Variants in NHSL1 observed in about 807,000 individuals in gnomAD.
The protein encoded by NHSL1 is NHS-like protein 1.
Under a neutral mutation model 95.0 loss-of-function variants are expected in NHSL1, and 48 were observed. The ratio of observed to expected loss-of-function variants is 0.51; its 90% CI spans 0.40 to 0.64. The LOEUF (loss-of-function observed/expected upper bound fraction) is 0.64. Ranked by LOEUF, NHSL1 falls within the 30% of genes least tolerant of loss-of-function variation. The pLI is 0.00. For synonymous variants in NHSL1, 783 were observed against 833.9 expected, an observed-to-expected ratio of 0.94 and a Z score of 1.05; for missense variants, 1,971 against 2,077.7, an observed-to-expected ratio of 0.95 and a Z score of 1.00.
intron 1 of NHSL1, among the ~76,000 whole-genome samples, chr6:138,614,294 AG>A (rs1185989627): frequency 2.6e-5 from 4 of 152,322 alleles, no homozygotes; most frequent in African/African-American, 9.6e-5. Context: ...GAGATGAGGC[AG>A]CCACTTGTGA....
At chr6:138,598,759 G>T (rs1024818143) in intron 1 of NHSL1, among the ~76,000 whole-genome samples, 7 of 152,024 alleles carry the variant, frequency 4.6e-5, no homozygotes, top group African/African-American at 1.7e-4. Flanking sequence ...AACGTCCAGC[G>T]TTTCCTCATC....
At chr6:138,649,297 T>C (rs1021451247) in intron 1 of NHSL1, among the ~76,000 whole-genome samples, 3 of 152,140 alleles carry the variant, frequency 2.0e-5, no homozygotes, top group Non-Finnish European at 4.4e-5. Flanking sequence ...TCATTCCGTA[T>C]ACCCTTTGTA....
chr6:138,676,417 A>G (rs1310006595), intron 1 of NHSL1, among the ~76,000 whole-genome samples: 1 of 152,130 alleles, frequency 6.6e-6, no homozygotes, highest in African/African-American at 2.4e-5. Flanking sequence ...AAAAAATAAA[A>G]CTAGTCTAAA....
rs893202924 is a variant in NHSL1, at chr6:138,429,699, A to G, written c.4085+12T>C. The stretch of plus-strand genomic sequence containing the variant: ...ACAGTAGATTAAAGTCAGAGGAAGG[A>G]GTTTGAAATACCTGTGAATAGCTGC... On this transcript the variant is annotated intron_variant, in intron 7 of 7. Transcript: ENST00000343505. 3.9e-6 allele frequency: 6 copies of G among 1,544,822 alleles called. No homozygotes were observed. Among genetic ancestry groups the G allele is most frequent in the Middle Eastern group, 1.7e-4 (1 of 5,952 alleles).
chr6:138,604,032 C>T (rs1256490695), intron 1 of NHSL1, among the ~76,000 whole-genome samples: 2 of 152,116 alleles, frequency 1.3e-5, no homozygotes, highest in African/African-American at 4.8e-5. Flanking sequence ...CAGTATGACA[C>T]TTACACAAGA....
chr6:138,634,683 T>C (rs899701784), intron 1 of NHSL1, among the ~76,000 whole-genome samples: 1 of 152,158 alleles, frequency 6.6e-6, no homozygotes, highest in South Asian at 2.1e-4. Flanking sequence ...ATCTGCACTG[T>C]AGACCAAATA....
At chr6:138,545,360 TTGTCTA>T (rs1782749683) in intron 1 of NHSL1, among the ~76,000 whole-genome samples, 2 of 152,190 alleles carry the variant, frequency 1.3e-5, no homozygotes, top group Admixed American at 6.5e-5. Flanking sequence ...TTAGCTACTT[TTGTCTA>T]TAACAAAACA....
chr6:138,445,800 T>A (rs1776826375), intron 4 of NHSL1, among the ~76,000 whole-genome samples: 1 of 152,210 alleles, frequency 6.6e-6, no homozygotes, highest in South Asian at 2.1e-4. Context: ...TCAGGAAAAC[T>A]CATTCTTTTT....
chr6:138,580,140 T>C (rs1404602434), intron 1 of NHSL1, among the ~76,000 whole-genome samples: 1 of 152,216 alleles, frequency 6.6e-6, no homozygotes, highest in Non-Finnish European at 1.5e-5. Flanking sequence ...TTTAGAATTA[T>C]TGCAGCTAGG....
In NHSL1 at chr6:138,422,645, TG is replaced by T. The variant is rs1774990570; in HGVS notation, c.*1435del. 6.6e-6 allele frequency: 1 copy of T among 152,104 alleles called. No individual in the cohort carries two copies. The highest frequency in any genetic ancestry group is 1.5e-5 in the Non-Finnish European group (1 of 68,038). 9.4% of individuals were successfully genotyped at this position (152,104 alleles called of 1,614,324 possible). On this transcript the variant is annotated 3_prime_UTR_variant, in exon 8 of 8. Coordinates refer to ENST00000343505, the MANE Select transcript of NHSL1 (RefSeq NM_001144060.2). ...TACATGGAAGTTAAGGGAGTAAGGG[TG>T]GGGGTAATGAGATTATTACATTAAA...
rs114130355 is a variant in NHSL1 at position 138,454,985 on chromosome 6, C to A, written c.340-7792G>T. 8.1e-4 allele frequency among the ~76,000 whole-genome samples: 124 copies of A among 152,214 alleles called. 1 individual carries two copies. The highest frequency in any genetic ancestry group is 2.9e-3 in the African/African-American group (121 of 41,530). ...GAAGAGAAGGCAGGTATAAACAGAC[C>A]CTGATTATAGAGTAGTGGGATGGAA... is the stretch of plus-strand genomic sequence containing the variant. On this transcript the variant is annotated intron_variant, in intron 3 of 7. Coordinates refer to ENST00000343505, the MANE Select transcript of NHSL1 (RefSeq NM_001144060.2).
chr6:138,583,620 C>A (rs552848733), intron 1 of NHSL1, among the ~76,000 whole-genome samples: 1 of 152,134 alleles, frequency 6.6e-6, no homozygotes, highest in Admixed American at 6.5e-5. Flanking sequence ...GCCCAGGACC[C>A]GGCATACAGT....
chr6:138,574,679 A>C (rs1365865607), upstream of NHSL1, among the ~76,000 whole-genome samples: 78 of 144,170 alleles, frequency 5.4e-4, 1 homozygote, highest in African/African-American at 2.1e-3. Context: ...ATGCAAAAAA[A>C]AAAAAAAAGA....
intron 1 of NHSL1, among the ~76,000 whole-genome samples, chr6:138,558,440 CT>C (rs1345497451): frequency 4.5e-4 from 54 of 118,938 alleles, no homozygotes; most frequent in African/African-American, 1.6e-3. Context: ...TTTTTTTTCC[CT>C]GAGACAGAGT....
At chr6:138,530,899 G>A (rs530523513) in intron 1 of NHSL1, among the ~76,000 whole-genome samples, 26 of 152,064 alleles carry the variant, frequency 1.7e-4, no homozygotes, top group Admixed American at 1.3e-3. Context: ...CTCAGAAATC[G>A]TCACTAAAGA....
At chr6:138,503,831 TG>T (rs750116281), upstream of NHSL1, among the ~76,000 whole-genome samples, 18 of 152,324 alleles carry the variant, frequency 1.2e-4, no homozygotes, top group East Asian at 3.9e-4. Flanking sequence ...CAATCTGCTT[TG>T]CCCCCCAAAC....
At chr6:138,555,502 T>C (rs1783164893) in intron 1 of NHSL1, among the ~76,000 whole-genome samples, 1 of 152,210 alleles carries the variant, frequency 6.6e-6, no homozygotes, top group African/African-American at 2.4e-5. Context: ...GGACTTCAGT[T>C]CCTAACAAAG....
In NHSL1 at chr6:138,692,187, G is replaced by T. The variant is rs1562415040; in HGVS notation, c.96+289C>A. The T allele has an allele frequency of 2.2e-6, 1 of 456,728 alleles. No homozygotes were observed. The highest frequency in any genetic ancestry group is 4.4e-6 in the Non-Finnish European group (1 of 226,958). The allele number at this position is 456,728 out of a possible 1,614,324, so 28.3% of individuals were successfully genotyped here. A position where few individuals can be genotyped will look rare whatever the true frequency, so the allele number is the denominator to read the frequency against. ...CGCCCCGGGGTCTCCCAAACAGACA[G>T]ACACAGACAGACAGAAGGAGCAGAC... On this transcript the variant is annotated intron_variant, in intron 1 of 3. Transcript: ENST00000491526. This position sits in a 1 kb window ranked among gnomAD's most constrained non-coding sequence, Gnocchi z 4.0.
In NHSL1 at chr6:138,579,671, C is replaced by T. The variant is rs144225386; in HGVS notation, c.97-83300G>A. On this transcript the variant is annotated intron_variant, in intron 1 of 3. Coordinates refer to the NHSL1 transcript ENST00000491526. ...AGCCTACATTCTACCTGATAATCCA[C>T]ACACAGGCTGGGATCTGCTGGGTTC... is the stretch of plus-strand genomic sequence containing the variant. Among the ~76,000 whole-genome samples the T allele has an allele frequency of 2.1e-4, 32 of 152,348 alleles. No individual in the cohort carries two copies. In the East Asian group the frequency reaches 5.4e-3, roughly 26 times the overall value.
Sources: gnomAD v4.1 joint callset for allele counts (sites outside exome capture counted in the v4.1 genomes callset) on GRCh38, gnomAD v4.1.1 for gene constraint, Gnocchi (gnomAD v3.1) non-coding constraint, MANE v1.5 for transcripts, NCBI Gene and HGNC (gene_info 2026-07-23, HGNC 2026-07-21) for gene names.